HDC: variants seen among roughly 807,000 people sequenced by gnomAD.
HDC encodes histidine decarboxylase.
HDC carries 27 observed loss-of-function variants against 64.4 expected under a neutral mutation model. That is an observed-to-expected ratio of 0.42 (90% CI 0.31 to 0.58). The LOEUF (loss-of-function observed/expected upper bound fraction) is 0.58, where lower values mean the gene tolerates loss of function less well. Among genes scored for constraint, HDC ranks in the 20% least tolerant of loss-of-function variants. The pLI, the probability that HDC is intolerant of heterozygous loss-of-function variation, is 0.16. For synonymous variants in HDC, 305 were observed against 314.2 expected (o/e 0.97, Z 0.31); for missense variants, 711 against 833.9 (o/e 0.85, Z 1.81).
Position 50,242,968 on chromosome 15 carries a change from T to C in HDC, c.1281A>G (p.Ile427Met). The change falls in exon 12 of 12, where the codon ATA becomes ATG. Residue 427 changes from isoleucine to methionine, a missense_variant. Coordinates refer to ENST00000267845, the MANE Select transcript of HDC (RefSeq NM_002112.4). ...NCLTENVLKE[I>M]AKAGRLFLIP... Reference sequence around the variant, plus strand: ...TGAGGAAGAGACGGCCAGCTTTAGCTATTTCCTTTAACACATTTTCTGTGA... The same window carrying C: ...TGAGGAAGAGACGGCCAGCTTTAGCCATTTCCTTTAACACATTTTCTGTGA... The C allele has an allele frequency of 6.2e-7, 1 of 1,614,094 alleles. No individual in the cohort carries two copies. Among genetic ancestry groups the C allele is most frequent in the Non-Finnish European group, 8.5e-7 (1 of 1,179,992 alleles).
chr15:50,252,941 G>T, intron 7 of HDC, 167 bp from the exon 8 acceptor site: 1 of 657,240 alleles, frequency 1.5e-6, no homozygotes, highest in Non-Finnish European at 2.6e-6. Flanking sequence ...AAGAAGTGGG[G>T]CTGAAGGAGG....
chr15:50,254,540 G>A lies in HDC; in HGVS notation c.566C>T (p.Ala189Val). The change falls in exon 5 of 12, where the codon GCC becomes GTC. Residue 189 changes from alanine to valine, a missense_variant. Ala to Val is a moderately conservative substitution (Grantham distance 64). This residue lies in a region of HDC where 225 missense variants were observed against 276.2 expected (regional missense o/e 0.81). Coordinates refer to ENST00000267845, the MANE Select transcript of HDC (RefSeq NM_002112.4). Reference protein sequence around the residue: ...SCLNARLVAYASDQAHSSVEK... With the variant: ...SCLNARLVAYVSDQAHSSVEK... The stretch of plus-strand genomic sequence containing the variant: ...CGTCGGGCAACTCACCTGGTCAGAG[G>A]CATAGGCCACGAGTCGGGCATTTAG... The A allele has an allele frequency of 6.2e-7, 1 of 1,614,186 alleles. No individual in the cohort carries two copies. The highest frequency in any genetic ancestry group is 8.5e-7 in the Non-Finnish European group (1 of 1,180,034).
intron 11 of HDC, 51 bp from the exon 12 acceptor site, chr15:50,243,057 T>A (rs1001834310): frequency 6.2e-7 from 1 of 1,613,856 alleles, no homozygotes; most frequent in African/African-American, 1.3e-5. Flanking sequence ...CCTGTCAGCA[T>A]CCCCAGAGCC....
Position 50,248,421 on chromosome 15 carries a change from G to C in HDC, c.1042-78C>G. 2.0e-6 allele frequency: 2 copies of C among 979,932 alleles called. No individual in the cohort carries two copies. Among genetic ancestry groups the C allele is most frequent in the Non-Finnish European group, 3.2e-6 (2 of 618,334 alleles). The allele number at this position is 979,932 out of a possible 1,614,324, so 60.7% of individuals were successfully genotyped here. ...CCTCGGGCATTTCTGGGCATTATCT[G>C]TTGCCTGCCCAGCCCTCCAGGGATG... On this transcript the variant is annotated intron_variant, in intron 9 of 11. Transcript: ENST00000267845. This position sits in a 1 kb window ranked among gnomAD's most constrained non-coding sequence, Gnocchi z 4.3.
chr15:50,252,535 A>G lies in HDC; in HGVS notation c.951-15T>C, dbSNP rs778029930. Reference sequence around the variant, plus strand: ...TGTCCTTGACCCTGTGGGTTTCCAAATGGGCATTAGTGGCTGAGGTCTCTC... The same window carrying G: ...TGTCCTTGACCCTGTGGGTTTCCAAGTGGGCATTAGTGGCTGAGGTCTCTC... On this transcript the variant is annotated splice_polypyrimidine_tract_variant and intron_variant, in intron 8 of 11. Coordinates refer to ENST00000267845, the MANE Select transcript of HDC (RefSeq NM_002112.4). The G allele has an allele frequency of 1.9e-6, 3 of 1,614,114 alleles. No individual in the cohort carries two copies. In the Admixed American group the frequency reaches 5.0e-5, roughly 27 times the overall value.
chr15:50,265,654 T>C lies in HDC; in HGVS notation c.-31A>G, dbSNP rs2045757761. 1.9e-6 allele frequency: 3 copies of C among 1,612,062 alleles called. No homozygotes were observed. Among genetic ancestry groups the C allele is most frequent in the Non-Finnish European group, 2.5e-6 (3 of 1,178,204 alleles). ...TTGGGCTCTGGCTCCTTCTCACAGATGGACACGCAGGAGGTGGAAGGCGTG... is the reference window on the plus strand; with the variant it reads ...TTGGGCTCTGGCTCCTTCTCACAGACGGACACGCAGGAGGTGGAAGGCGTG... On this transcript the variant is annotated 5_prime_UTR_variant, in exon 1 of 12. Transcript: ENST00000267845.
intron 9 of HDC, among the ~76,000 whole-genome samples, chr15:50,251,223 C>T (rs976206030): frequency 5.9e-5 from 9 of 152,246 alleles, no homozygotes; most frequent in African/African-American, 1.9e-4. Context: ...AGGACTCCAA[C>T]ACATGCCATC....
intron 3 of HDC, 25 bp downstream of exon 3, chr15:50,258,379 A>G (rs2045659211): frequency 7.5e-7 from 1 of 1,338,994 alleles, no homozygotes; most frequent in Non-Finnish European, 1.1e-6. Flanking sequence ...CCCCATTGCG[A>G]GTAGTTACAG....
intron 7 of HDC, 80 bp downstream of exon 7, chr15:50,253,520 A>T (rs1294259482): frequency 8.2e-7 from 1 of 1,212,676 alleles, no homozygotes; most frequent in Non-Finnish European, 1.2e-6. Context: ...AATCCCATAG[A>T]GCTGGTTTCA....
chr15:50,246,246 G>A (rs954416426), intron 10 of HDC, among the ~76,000 whole-genome samples: 7 of 152,188 alleles, frequency 4.6e-5, no homozygotes, highest in Non-Finnish European at 1.0e-4. Flanking sequence ...TGTATTGAAG[G>A]CATTACGCAA....
rs1595706785 is a variant in HDC at position 50,253,916 on chromosome 15, A to G, written c.720+214T>C. The G allele has an allele frequency of 4.6e-6, 3 of 654,798 alleles. No homozygotes were observed. In the East Asian group the frequency reaches 8.1e-5, roughly 18 times the overall value. The allele number at this position is 654,798 out of a possible 1,614,324, so 40.6% of individuals were successfully genotyped here. Reference sequence around the variant, plus strand: ...ACTCTGGCTATATGTGTGCACTCTAATATTTTATACTATATTTCTTTTTAA... The same window carrying G: ...ACTCTGGCTATATGTGTGCACTCTAGTATTTTATACTATATTTCTTTTTAA... On this transcript the variant is annotated intron_variant, in intron 6 of 11. Transcript: ENST00000267845.
intron 4 of HDC, 102 bp from the exon 5 acceptor site, chr15:50,254,766 C>CTGTGTGTGTGTGTATG: frequency 9.5e-7 from 1 of 1,056,300 alleles, no homozygotes; most frequent in Non-Finnish European, 1.4e-6. Context: ...CTCTCTCTCT[C>CTGTGTGTGTGTGTATG]TCTCTCTCTC....
Position 50,254,433 on chromosome 15 carries a change from C to T in HDC, c.576+97G>A. On this transcript the variant is annotated intron_variant, in intron 5 of 11. Coordinates refer to ENST00000267845, the MANE Select transcript of HDC (RefSeq NM_002112.4). ...GCTCCCATGTCTGAGCTGCTCAGAA[C>T]CCCAGCGTACTCACGTCTAGAAAAA... 3 of 1,555,810 alleles carry T rather than the reference C, an allele frequency of 1.9e-6. No homozygotes were observed. The South Asian group carries it at 3.4e-5, about 17-fold the overall frequency.
rs187102381 is a variant in HDC at position 50,250,173 on chromosome 15, A to G, written c.1042-1830T>C. On this transcript the variant is annotated intron_variant, in intron 9 of 11. Coordinates refer to ENST00000267845, the MANE Select transcript of HDC (RefSeq NM_002112.4). ...CAGGACCCCAGGGGTTAAGCACCTA[A>G]GTCTTCTCTCCTGGGATGCTGCCCT... Among the ~76,000 whole-genome samples, 298 of 152,332 alleles carry G rather than the reference A, an allele frequency of 2.0e-3. 2 individuals are homozygous for G. Among genetic ancestry groups the G allele is most frequent in the South Asian group, 8.3e-3 (40 of 4,824 alleles).
rs192395061 is a variant in HDC, at chr15:50,260,830, G to T, written c.205-2313C>A. On this transcript the variant is annotated intron_variant, in intron 2 of 11. Coordinates refer to ENST00000267845, the MANE Select transcript of HDC (RefSeq NM_002112.4). ...GCAGGGTGGTGTCCTGACTTTTCCCGTGGGGATGCTCTCTCTCTCTCATGA... is the reference window on the plus strand; with the variant it reads ...GCAGGGTGGTGTCCTGACTTTTCCCTTGGGGATGCTCTCTCTCTCTCATGA... 2.0e-5 allele frequency among the ~76,000 whole-genome samples: 3 copies of T among 152,256 alleles called. No homozygotes were observed. The East Asian group carries it at 5.8e-4, about 29-fold the overall frequency.
intron 1 of HDC, among the ~76,000 whole-genome samples, chr15:50,264,799 C>T (rs1047787747): frequency 6.6e-6 from 1 of 152,182 alleles, no homozygotes; most frequent in Non-Finnish European, 1.5e-5. Flanking sequence ...TCCCCTTCAA[C>T]CCTCTCACAT....
chr15:50,244,296 T>G (rs1050981189), intron 10 of HDC, among the ~76,000 whole-genome samples: 4 of 138,782 alleles, frequency 2.9e-5, no homozygotes, highest in African/African-American at 1.2e-4. Flanking sequence ...TTTTTTTTTT[T>G]TTTTTTTTTT....
chr15:50,242,102 A>G lies in HDC; in HGVS notation c.*158T>C. 1 of 720,680 alleles carries G rather than the reference A, an allele frequency of 1.4e-6. No individual in the cohort carries two copies. The highest frequency in any genetic ancestry group is 2.4e-6 in the Non-Finnish European group (1 of 408,210). The allele number at this position is 720,680 out of a possible 1,614,324, so 44.6% of individuals were successfully genotyped here. A position where few individuals can be genotyped will look rare whatever the true frequency, so the allele number is the denominator to read the frequency against. On this transcript the variant is annotated 3_prime_UTR_variant, in exon 12 of 12. Transcript: ENST00000267845. ...GGCTTAAACTCTTCGTTTGTATCCT[A>G]TTGTGGGTCATGAACCCCTATGAGA...
intron 9 of HDC, among the ~76,000 whole-genome samples, chr15:50,250,474 A>C (rs1374619925): frequency 6.6e-6 from 1 of 152,190 alleles, no homozygotes; most frequent in African/African-American, 2.4e-5. Flanking sequence ...GTTTACTCTA[A>C]CATTTTTATG....
Sources: gnomAD v4.1 joint callset for allele counts (sites outside exome capture counted in the v4.1 genomes callset) on GRCh38, gnomAD v4.1.1 for gene constraint, gnomAD v4.1.1 regional missense constraint, Gnocchi (gnomAD v3.1) non-coding constraint, MANE v1.5 for transcripts, NCBI Gene and HGNC (gene_info 2026-07-23, HGNC 2026-07-21) for gene names.